The following NCKAP5 variants were observed in gnomAD, a reference collection of about 807,000 sequenced individuals.
NCKAP5 encodes the protein nck-associated protein 5.
A neutral mutation model predicts 167.0 loss-of-function variants in NCKAP5; 92 were observed. The observed-to-expected ratio is 0.55, with a 90% CI of 0.47 to 0.66. NCKAP5 has a LOEUF of 0.66. Ranked by LOEUF, NCKAP5 falls within the 30% of genes least tolerant of loss-of-function variation. The probability of loss-of-function intolerance (pLI) is 0.00; values close to 1 mark genes in which losing one functional copy is unlikely to be tolerated. For synonymous variants in NCKAP5, 891 were observed against 877.4 expected (o/e 1.02, Z -0.27); for missense variants, 2,378 against 2,315.0 (o/e 1.03, Z -0.56).
intron 8 of NCKAP5, among the ~76,000 whole-genome samples, chr2:132,933,146 C>T (rs1401627829): frequency 3.9e-5 from 6 of 151,976 alleles, no homozygotes; most frequent in African/African-American, 1.2e-4. Context: ...AGGATGGTCT[C>T]GATCTTCTGA....
intron 2 of NCKAP5, among the ~76,000 whole-genome samples, chr2:133,524,531 C>T (rs998573174): frequency 3.3e-5 from 5 of 152,090 alleles, no homozygotes; most frequent in South Asian, 2.1e-4. Flanking sequence ...GAGGTCTTCA[C>T]GTAGAGTTTC....
chr2:133,001,760 G>A (rs2149333597), intron 6 of NCKAP5, among the ~76,000 whole-genome samples: 1 of 152,172 alleles, frequency 6.6e-6, no homozygotes, highest in South Asian at 2.1e-4. Context: ...GGATTGATGG[G>A]TTCTCGTTAC....
intron 11 of NCKAP5, among the ~76,000 whole-genome samples, chr2:132,817,266 C>T (rs1047645674): frequency 6.6e-6 from 1 of 152,174 alleles, no homozygotes; most frequent in African/African-American, 2.4e-5. Context: ...TCATTATTGA[C>T]ATTTATGTTG....
intron 7 of NCKAP5, among the ~76,000 whole-genome samples, chr2:132,984,667 G>T (rs569245710): frequency 2.6e-5 from 4 of 152,004 alleles, no homozygotes; most frequent in Non-Finnish European, 5.9e-5. Context: ...TTTCCAGCAG[G>T]CCTGTTCCAC....
chr2:133,105,964 C>T (rs1275978489), intron 6 of NCKAP5, among the ~76,000 whole-genome samples: 1 of 152,100 alleles, frequency 6.6e-6, no homozygotes, highest in Non-Finnish European at 1.5e-5. Context: ...ACCATATGTG[C>T]TCTTCTCACC....
intron 8 of NCKAP5, among the ~76,000 whole-genome samples, chr2:132,887,112 C>T (rs76504719): frequency 0.069 from 10,434 of 152,084 alleles, 452 homozygotes; most frequent in East Asian, 0.17. Context: ...AAGTATCTTG[C>T]GGCAAGGTAC....
At chr2:132,993,132 C>A (rs1035498728) in intron 7 of NCKAP5, among the ~76,000 whole-genome samples, 2 of 152,194 alleles carry the variant, frequency 1.3e-5, no homozygotes, top group Non-Finnish European at 2.9e-5. Flanking sequence ...TTTCTCAAAC[C>A]CACTGGCTTT....
At chr2:132,787,146 G>A (rs928715050) in intron 13 of NCKAP5, among the ~76,000 whole-genome samples, 1 of 152,110 alleles carries the variant, frequency 6.6e-6, no homozygotes, top group South Asian at 2.1e-4. Flanking sequence ...TCAGGAGTTC[G>A]AGACTAGTCT....
intron 5 of NCKAP5, among the ~76,000 whole-genome samples, chr2:133,161,882 A>G (rs1347066694): frequency 6.6e-6 from 1 of 152,172 alleles, no homozygotes; most frequent in Non-Finnish European, 1.5e-5. Flanking sequence ...CCTATATAGG[A>G]TCTTCTTCCA....
chr2:133,395,662 T>G (rs557221180), intron 3 of NCKAP5, among the ~76,000 whole-genome samples: 2 of 152,328 alleles, frequency 1.3e-5, no homozygotes, highest in African/African-American at 4.8e-5. Flanking sequence ...TGTGTTTTTT[T>G]AGAGACAGGG....
chr2:133,652,258 A>C, the NCKAP5 span, among the ~76,000 whole-genome samples: 4 of 152,202 alleles, frequency 2.6e-5, no homozygotes, highest in African/African-American at 9.7e-5. Flanking sequence ...ATAGGGAAAA[A>C]ATATGTATTA....
In NCKAP5 at chr2:133,259,917, GA is replaced by G. The variant is rs371545570; in HGVS notation, c.143+43119del. Among the ~76,000 whole-genome samples the G allele has an allele frequency of 3.7e-3, 561 of 152,220 alleles. 13 individuals carry two copies. The South Asian group carries it at 0.057, about 15-fold the overall frequency. ...ACACTTACTAGGTATCAGGCACTGA[GA>G]AAAAAAGGCAGCTGGAAATGTCTTG... On this transcript the variant is annotated intron_variant, in intron 4 of 19. Coordinates refer to ENST00000409261, the MANE Select transcript of NCKAP5 (RefSeq NM_207363.3).
Position 132,871,637 on chromosome 2 carries a change from C to T in NCKAP5, c.649-2663G>A, listed in dbSNP as rs556569758. Among the ~76,000 whole-genome samples the T allele has an allele frequency of 4.6e-5, 7 of 152,270 alleles. No homozygotes were observed. In the South Asian group the frequency reaches 1.0e-3, roughly 23 times the overall value. On this transcript the variant is annotated intron_variant, in intron 9 of 19. Transcript: ENST00000409261. ...TTATATCTCACAATCCAAGCAGTTG[C>T]CCTATAGGCTTAGAGACTCTATATC...
the NCKAP5 span, among the ~76,000 whole-genome samples, chr2:133,609,226 T>C: frequency 6.6e-6 from 1 of 152,204 alleles, no homozygotes; most frequent in African/African-American, 2.4e-5. Flanking sequence ...TTTAACTTTA[T>C]GTCCTTACCA....
At chr2:133,033,135 C>G (rs777988751) in intron 6 of NCKAP5, among the ~76,000 whole-genome samples, 7 of 152,222 alleles carry the variant, frequency 4.6e-5, no homozygotes, top group Non-Finnish European at 1.5e-5. Context: ...TCACTCCACT[C>G]CCAGCTTTAG....
At chr2:133,078,211 C>G (rs1276227561) in intron 6 of NCKAP5, among the ~76,000 whole-genome samples, 1 of 152,166 alleles carries the variant, frequency 6.6e-6, no homozygotes, top group Non-Finnish European at 1.5e-5. Context: ...GTGATCAGTG[C>G]TTCCCAACAT....
intron 6 of NCKAP5, among the ~76,000 whole-genome samples, chr2:133,003,991 T>C (rs1419696669): frequency 6.6e-6 from 1 of 152,204 alleles, no homozygotes; most frequent in East Asian, 1.9e-4. Context: ...AAGTCCCGTT[T>C]TGCACATGGA....
In NCKAP5 at chr2:133,547,658, G is replaced by A. The variant is rs187981380; in HGVS notation, c.-62+11392C>T. 1.3e-3 allele frequency among the ~76,000 whole-genome samples: 192 copies of A among 151,636 alleles called. 2 individuals carry two copies. The highest frequency in any genetic ancestry group is 0.011 in the Admixed American group (169 of 15,216). ...GGCAGGGTATTCCAACAGACCTACA[G>A]CTGAGGTTCCTGTCTGTTAGAAGGA... On this transcript the variant is annotated intron_variant, in intron 2 of 19. Coordinates refer to ENST00000409261, the MANE Select transcript of NCKAP5 (RefSeq NM_207363.3).
chr2:132,718,568 TA>T (rs1407017323), intron 19 of NCKAP5, among the ~76,000 whole-genome samples: 2 of 152,208 alleles, frequency 1.3e-5, no homozygotes, highest in East Asian at 3.9e-4. Flanking sequence ...AAGAGTAAAC[TA>T]AAAGTCTATA....
Sources: allele counts gnomAD v4.1 joint callset (sites outside exome capture counted in the v4.1 genomes callset), GRCh38; gene constraint gnomAD v4.1.1; transcripts MANE v1.5; gene names NCBI Gene and HGNC (gene_info 2026-07-23, HGNC 2026-07-21).